TUBE1: variants seen among roughly 807,000 people sequenced by gnomAD.
TUBE1 encodes tubulin epsilon chain.
A neutral mutation model predicts 53.5 loss-of-function variants in TUBE1; 34 were observed. The ratio of observed to expected loss-of-function variants is 0.64; its 90% CI spans 0.48 to 0.85. TUBE1 has a LOEUF of 0.85. Ranked by LOEUF, TUBE1 falls within the 40% of genes least tolerant of loss-of-function variation. The pLI, the probability that TUBE1 is intolerant of heterozygous loss-of-function variation, is 0.00. For synonymous variants in TUBE1, 177 were observed against 198.4 expected (o/e 0.89, Z 0.91); for missense variants, 532 against 570.5 (o/e 0.93, Z 0.69).
rs782212950 is a variant in TUBE1, at chr6:112,084,146, A to T, written c.210+43T>A. The T allele has an allele frequency of 2.7e-6, 4 of 1,461,974 alleles. No individual in the cohort carries two copies. In the East Asian group the frequency reaches 6.8e-5, roughly 25 times the overall value. 90.6% of individuals were successfully genotyped at this position (1,461,974 alleles called of 1,614,324 possible). On this transcript the variant is annotated intron_variant, in intron 4 of 11. Coordinates refer to ENST00000368662, the MANE Select transcript of TUBE1 (RefSeq NM_016262.5). ...TGATAGTTACTGAGAATAGTTATTT[A>T]AAAAATACATGTAATATAAGAATCC... is the stretch of plus-strand genomic sequence containing the variant.
intron 2 of TUBE1, 141 bp from the exon 3 acceptor site, chr6:112,086,749 C>T: frequency 1.7e-6 from 1 of 604,370 alleles, no homozygotes; most frequent in Non-Finnish European, 2.9e-6. Context: ...AATGCGGAGC[C>T]TGACTCTTCC....
intron 9 of TUBE1, among the ~76,000 whole-genome samples, chr6:112,074,106 A>G (rs1396951836): frequency 3.3e-5 from 5 of 152,220 alleles, no homozygotes; most frequent in African/African-American, 4.8e-5. Flanking sequence ...TTTTTCCCTC[A>G]GTCAACTGTG....
intron 3 of TUBE1, 21 bp downstream of exon 3, chr6:112,086,535 C>A (rs1554317344): frequency 6.3e-7 from 1 of 1,595,532 alleles, no homozygotes; most frequent in African/African-American, 1.3e-5. Context: ...CACACTGTGA[C>A]AGACTTTAAT....
intron 9 of TUBE1, 84 bp downstream of exon 9, chr6:112,074,626 G>C (rs1192588263): frequency 9.8e-7 from 1 of 1,015,968 alleles, no homozygotes; most frequent in East Asian, 2.9e-5. Flanking sequence ...TAAATAACTA[G>C]AGTTATTGCA....
intron 2 of TUBE1, chr6:112,086,815 T>G (rs1389946494): frequency 3.8e-6 from 2 of 529,426 alleles, no homozygotes; most frequent in South Asian, 5.5e-5. Flanking sequence ...CAGCAGGGGG[T>G]GCTAAAGAAA....
intron 9 of TUBE1, among the ~76,000 whole-genome samples, chr6:112,073,323 T>TTTGTAAAG (rs1776901852): frequency 6.6e-6 from 1 of 152,174 alleles, no homozygotes; most frequent in Non-Finnish European, 1.5e-5. Context: ...GTAAAGTATA[T>TTTGTAAAG]TATATCATAA....
At chr6:112,073,813 T>A (rs1397982870) in intron 9 of TUBE1, among the ~76,000 whole-genome samples, 1 of 152,226 alleles carries the variant, frequency 6.6e-6, no homozygotes, top group Non-Finnish European at 1.5e-5. Flanking sequence ...TCTTCCTTTG[T>A]TGCCCAAGCT....
At chr6:112,082,370 A>C (rs1486435189) in intron 4 of TUBE1, among the ~76,000 whole-genome samples, 1 of 152,148 alleles carries the variant, frequency 6.6e-6, no homozygotes, top group African/African-American at 2.4e-5. Flanking sequence ...GTATGGGCAA[A>C]TTTTAGTACT....
chr6:112,075,034 T>A, intron 8 of TUBE1, 184 bp from the exon 9 acceptor site: 2 of 308,456 alleles, frequency 6.5e-6, no homozygotes, highest in Non-Finnish European at 1.2e-5. Context: ...TAAAATAAAA[T>A]ATAACACACA....
rs1554315808 is a variant in TUBE1, at chr6:112,074,857, A to T, written c.813-7T>A. ...CCCTTCAAATCTTGCAGAGCTAAAA[A>T]GTTAACATTAAAATGAGAAAATTTT... On this transcript the variant is annotated splice_polypyrimidine_tract_variant and splice_region_variant and intron_variant, in intron 8 of 11. Transcript: ENST00000368662. 2 of 1,560,896 alleles carry T rather than the reference A, an allele frequency of 1.3e-6. No homozygotes were observed.
At chr6:112,071,709 T>C in intron 11 of TUBE1, 139 bp from the exon 12 acceptor site, 10 of 963,066 alleles carry the variant, frequency 1.0e-5, no homozygotes, top group South Asian at 4.1e-5. Context: ...TCAAATTGAA[T>C]GAATCCTATA....
In TUBE1 at chr6:112,079,438, A is replaced by G. The variant is rs1207729833; in HGVS notation, c.448+195T>C. ...GCTTACATTAAAAAAAAAAAAAAAG[A>G]AAAGAAAAGAAAATAGTGACATAAT... On this transcript the variant is annotated intron_variant, in intron 6 of 11. Transcript: ENST00000368662. 7.0e-6 allele frequency: 3 copies of G among 431,436 alleles called. No individual in the cohort carries two copies. In the East Asian group the frequency reaches 1.1e-4, roughly 16 times the overall value. 26.7% of individuals were successfully genotyped at this position (431,436 alleles called of 1,614,324 possible). A position where few individuals can be genotyped will look rare whatever the true frequency, so the allele number is the denominator to read the frequency against.
intron 9 of TUBE1, among the ~76,000 whole-genome samples, 166 bp downstream of exon 9, chr6:112,074,540 ATTAC>A (rs1776921864): frequency 6.6e-6 from 1 of 152,220 alleles, no homozygotes; most frequent in African/African-American, 2.4e-5. Flanking sequence ...TTTTTCAACA[ATTAC>A]TTCTAAATAA....
intron 4 of TUBE1, 97 bp downstream of exon 4, chr6:112,084,092 A>G (rs905410604): frequency 2.0e-6 from 2 of 989,818 alleles, no homozygotes; most frequent in Middle Eastern, 3.1e-4. Flanking sequence ...ATTTTTTTCT[A>G]CTTTGAAAAG....
At chr6:112,081,337 G>A (rs1379904825) in intron 4 of TUBE1, 130 bp from the exon 5 acceptor site, 33 of 433,574 alleles carry the variant, frequency 7.6e-5, no homozygotes, top group South Asian at 5.8e-4. Flanking sequence ...AAATCTTTAC[G>A]TAGAATCTGT....
chr6:112,075,465 C>A (rs587715869), intron 8 of TUBE1: 1 of 152,554 alleles, frequency 6.6e-6, no homozygotes, highest in African/African-American at 2.4e-5. Context: ...GAGTTAAACA[C>A]ATATAAGTCA....
At chr6:112,078,462 G>T (rs1480732394) in intron 6 of TUBE1, 1 of 151,936 alleles carries the variant, frequency 6.6e-6, no homozygotes, top group Admixed American at 6.6e-5. Context: ...GGATAATCTT[G>T]TTTATGTAAA....
chr6:112,083,407 C>T (rs1554316984), intron 4 of TUBE1, among the ~76,000 whole-genome samples: 1 of 151,494 alleles, frequency 6.6e-6, no homozygotes, highest in East Asian at 1.9e-4. Context: ...AGGCTCTGCC[C>T]CCCGGGGTTC....
Position 112,087,229 on chromosome 6 carries a change from G to A in TUBE1, c.99+4C>T, listed in dbSNP as rs1354281846. ...CGAGGGGGCTCGCGGCGGCGGGCGG[G>A]TACCTGGTTGACCGCGGCGTGCTCC... On this transcript the variant is annotated splice_donor_region_variant and intron_variant, in intron 2 of 11. Coordinates refer to ENST00000368662, the MANE Select transcript of TUBE1 (RefSeq NM_016262.5). The A allele has an allele frequency of 2.6e-6, 4 of 1,550,510 alleles. No individual in the cohort carries two copies. The East Asian group carries it at 7.3e-5, about 28-fold the overall frequency.
Sources: allele counts gnomAD v4.1 joint callset (sites outside exome capture counted in the v4.1 genomes callset), GRCh38; gene constraint gnomAD v4.1.1; transcripts MANE v1.5; gene names NCBI Gene and HGNC (gene_info 2026-07-23, HGNC 2026-07-21).